SLIT3: variants seen among roughly 807,000 people sequenced by gnomAD.
SLIT3 encodes the protein slit homolog 3 protein.
In SLIT3, 68 loss-of-function variants were observed where a neutral mutation model predicts 184.0. The ratio of observed to expected loss-of-function variants is 0.37; its 90% CI spans 0.30 to 0.45. The LOEUF (loss-of-function observed/expected upper bound fraction) is 0.45. Ranked by LOEUF, SLIT3 falls within the 20% of genes least tolerant of loss-of-function variation. The pLI, the probability that SLIT3 is intolerant of heterozygous loss-of-function variation, is 1.00. For missense variants in SLIT3, 1,707 were observed against 2,026.0 expected, an observed-to-expected ratio of 0.84 and a Z score of 3.02; for synonymous variants, 831 against 828.6, an observed-to-expected ratio of 1.00 and a Z score of -0.05.
At chr5:168,682,158 G>A (rs1471490227) in intron 32 of SLIT3, among the ~76,000 whole-genome samples, 1 of 152,168 alleles carries the variant, frequency 6.6e-6, no homozygotes, top group African/African-American at 2.4e-5. Flanking sequence ...CTTTCTTCTG[G>A]TGTCCACTGT....
chr5:168,808,617 T>C lies in SLIT3; in HGVS notation c.794-2030A>G, dbSNP rs139422709. ...TTGTAAGACTTTTGGCAAGTCACAG[T>C]ACCTCTCTCTGAGCTTTTTTTGGTG... is the stretch of plus-strand genomic sequence containing the variant. On this transcript the variant is annotated intron_variant, in intron 8 of 35. Coordinates refer to ENST00000519560, the MANE Select transcript of SLIT3 (RefSeq NM_003062.4). Among the ~76,000 whole-genome samples the C allele has an allele frequency of 7.5e-4, 114 of 152,344 alleles. 1 individual carries two copies. The highest frequency in any genetic ancestry group is 2.6e-3 in the African/African-American group (110 of 41,574).
At chr5:169,008,344 G>T (rs1366285683) in intron 4 of SLIT3, among the ~76,000 whole-genome samples, 1 of 152,128 alleles carries the variant, frequency 6.6e-6, no homozygotes, top group Non-Finnish European at 1.5e-5. Context: ...CTGGGAGGAG[G>T]CTCCAAGACA....
intron 32 of SLIT3, among the ~76,000 whole-genome samples, chr5:168,674,189 G>GGTAA (rs1761338854): frequency 6.6e-6 from 1 of 152,130 alleles, no homozygotes; most frequent in Admixed American, 6.5e-5. Context: ...ACTCATGCTA[G>GGTAA]GTAAGTTTGT....
intron 4 of SLIT3, among the ~76,000 whole-genome samples, chr5:169,052,887 C>T (rs1757864977): frequency 6.6e-6 from 1 of 152,150 alleles, no homozygotes; most frequent in African/African-American, 2.4e-5. Flanking sequence ...CCTCACCCCA[C>T]TCTGTTTCAA....
chr5:168,671,520 C>T, intron 33 of SLIT3, 37 bp from the exon 34 acceptor site: 2 of 1,581,212 alleles, frequency 1.3e-6, no homozygotes, highest in Non-Finnish European at 1.7e-6. Context: ...CCTGAAGACC[C>T]TCCCCTGCCA....
chr5:168,755,867 G>T (rs1366720808), intron 16 of SLIT3, among the ~76,000 whole-genome samples: 4 of 152,198 alleles, frequency 2.6e-5, no homozygotes, highest in Non-Finnish European at 5.9e-5. Flanking sequence ...CATTAGCACT[G>T]CGAGTTAGCA....
intron 4 of SLIT3, among the ~76,000 whole-genome samples, chr5:169,114,345 G>C (rs764791137): frequency 6.6e-6 from 1 of 152,212 alleles, no homozygotes; most frequent in Non-Finnish European, 1.5e-5. Context: ...CTGTTTTACA[G>C]ATGATGAAGC....
At chr5:169,205,391 T>C (rs1265817878) in intron 3 of SLIT3, among the ~76,000 whole-genome samples, 1 of 152,204 alleles carries the variant, frequency 6.6e-6, no homozygotes, top group Non-Finnish European at 1.5e-5. Flanking sequence ...TGAATTTTAA[T>C]GTACTGCATG....
intron 3 of SLIT3, among the ~76,000 whole-genome samples, chr5:169,224,969 C>G (rs1236496814): frequency 2.0e-5 from 3 of 152,158 alleles, no homozygotes; most frequent in Admixed American, 2.0e-4. Flanking sequence ...CAGGAATGAG[C>G]CCCCACGTTT....
chr5:169,119,170 A>C (rs1408872287), intron 4 of SLIT3, among the ~76,000 whole-genome samples: 1 of 152,214 alleles, frequency 6.6e-6, no homozygotes, highest in Non-Finnish European at 1.5e-5. Flanking sequence ...AAAGACTCTG[A>C]CCCAGAGCAA....
intron 1 of SLIT3, among the ~76,000 whole-genome samples, chr5:169,272,066 G>C (rs1016161360): frequency 6.6e-6 from 1 of 152,242 alleles, no homozygotes; most frequent in Non-Finnish European, 1.5e-5. Flanking sequence ...TGCCTGGGCA[G>C]TGCCTGAGCT....
intron 5 of SLIT3, among the ~76,000 whole-genome samples, chr5:168,855,498 C>G (rs568671893): frequency 1.1e-3 from 162 of 152,218 alleles, no homozygotes; most frequent in African/African-American, 3.8e-3. Flanking sequence ...AGTGGATACA[C>G]GAATTGTGGT....
chr5:168,757,509 C>G (rs922638903), intron 16 of SLIT3, among the ~76,000 whole-genome samples: 4 of 151,978 alleles, frequency 2.6e-5, no homozygotes, highest in Non-Finnish European at 5.9e-5. Context: ...TCTCGGCTCA[C>G]TGGAAGCTCC....
intron 4 of SLIT3, among the ~76,000 whole-genome samples, chr5:168,967,836 A>G (rs1164034676): frequency 1.3e-5 from 2 of 152,118 alleles, no homozygotes; most frequent in Non-Finnish European, 2.9e-5. Context: ...TGCAGGAAGA[A>G]TAAAGCCTCG....
chr5:168,849,876 G>A (rs1170374588), intron 5 of SLIT3, among the ~76,000 whole-genome samples: 1 of 152,120 alleles, frequency 6.6e-6, no homozygotes, highest in Non-Finnish European at 1.5e-5. Flanking sequence ...CAAGGCAGAA[G>A]ACAAAATGTG....
chr5:169,239,520 TCCTG>T (rs971926211), intron 3 of SLIT3, among the ~76,000 whole-genome samples: 79 of 152,208 alleles, frequency 5.2e-4, no homozygotes, highest in African/African-American at 1.9e-3. Flanking sequence ...TTCTATTCCT[TCCTG>T]TTTCTATTTT....
chr5:168,724,758 T>G (rs1485821353), intron 20 of SLIT3, among the ~76,000 whole-genome samples: 2 of 152,242 alleles, frequency 1.3e-5, no homozygotes, highest in Admixed American at 6.5e-5. Context: ...CGTGGCTGTT[T>G]ACAGAGCTGA....
chr5:168,825,271 C>A (rs932354045), intron 6 of SLIT3, among the ~76,000 whole-genome samples: 1 of 152,070 alleles, frequency 6.6e-6, no homozygotes, highest in African/African-American at 2.4e-5. Context: ...GCATACAGTG[C>A]CCCCCATATT....
At chr5:169,038,282 A>G (rs1757323927) in intron 4 of SLIT3, among the ~76,000 whole-genome samples, 1 of 152,230 alleles carries the variant, frequency 6.6e-6, no homozygotes, top group Admixed American at 6.5e-5. Context: ...CTGGTACAAT[A>G]GGGAGCAAAG....
Sources: gnomAD v4.1 joint callset for allele counts (sites outside exome capture counted in the v4.1 genomes callset) on GRCh38, gnomAD v4.1.1 for gene constraint, MANE v1.5 for transcripts, NCBI Gene and HGNC (gene_info 2026-07-23, HGNC 2026-07-21) for gene names.